The following USP48 variants were observed in gnomAD, a reference collection of about 807,000 sequenced individuals.
USP48 encodes ubiquitin specific peptidase 48.
A neutral mutation model predicts 150.7 loss-of-function variants in USP48; 43 were observed. That is an observed-to-expected ratio of 0.29 (90% CI 0.22 to 0.37). The LOEUF (loss-of-function observed/expected upper bound fraction) is 0.37. USP48 is among the 10% of genes least tolerant of loss of function. The pLI, the probability that USP48 is intolerant of heterozygous loss-of-function variation, is 1.00. For synonymous variants in USP48, 396 were observed against 425.9 expected (o/e 0.93, Z 0.86); for missense variants, 813 against 1,249.6 (o/e 0.65, Z 5.27).
At chr1:21,780,266 C>G (rs1276785051) in intron 1 of USP48, among the ~76,000 whole-genome samples, 1 of 152,178 alleles carries the variant, frequency 6.6e-6, no homozygotes, top group East Asian at 1.9e-4. Flanking sequence ...CAGGGATAAC[C>G]CTTGGAAACA....
chr1:21,699,117 C>T (rs2097646786), intron 22 of USP48, among the ~76,000 whole-genome samples: 1 of 151,582 alleles, frequency 6.6e-6, no homozygotes, highest in Non-Finnish European at 1.5e-5. Flanking sequence ...GCAACCTCCA[C>T]CTCCCAGGTT....
chr1:21,726,666 T>G (rs1287662187), intron 11 of USP48: 2 of 152,198 alleles, frequency 1.3e-5, no homozygotes, highest in Non-Finnish European at 2.9e-5. Flanking sequence ...ACAAGTCTCA[T>G]AGTTAAGGCA....
chr1:21,711,062 A>C (rs904242717), intron 15 of USP48, among the ~76,000 whole-genome samples: 2 of 152,108 alleles, frequency 1.3e-5, no homozygotes, highest in African/African-American at 4.8e-5. Flanking sequence ...CTGAGGTTAT[A>C]GATGTGAACC....
intron 23 of USP48, among the ~76,000 whole-genome samples, chr1:21,694,140 T>C (rs553733482): frequency 1.7e-4 from 26 of 152,306 alleles, no homozygotes; most frequent in African/African-American, 5.8e-4. Flanking sequence ...AACAGTATCA[T>C]GAAACCATTT....
chr1:21,744,483 C>A (rs1001005187), intron 8 of USP48, among the ~76,000 whole-genome samples: 1 of 147,428 alleles, frequency 6.8e-6, no homozygotes, highest in Admixed American at 6.8e-5. Flanking sequence ...TCAGAATTAA[C>A]ATAGTTTTTA....
chr1:21,714,341 T>A (rs2097698579), intron 15 of USP48, among the ~76,000 whole-genome samples: 2 of 152,144 alleles, frequency 1.3e-5, no homozygotes, highest in Non-Finnish European at 2.9e-5. Context: ...AGCGTCGTGA[T>A]CATAGCTCAC....
chr1:21,780,429 G>C (rs2097911492), intron 1 of USP48, among the ~76,000 whole-genome samples: 1 of 152,174 alleles, frequency 6.6e-6, no homozygotes, highest in Non-Finnish European at 1.5e-5. Context: ...CAGATGCTCA[G>C]TTTCCTTTTA....
chr1:21,764,598 T>C (rs2097857426), intron 1 of USP48, among the ~76,000 whole-genome samples: 1 of 147,992 alleles, frequency 6.8e-6, no homozygotes, highest in Non-Finnish European at 1.5e-5. Context: ...TCCCAGCTAC[T>C]CTGGAGGCTG....
At chr1:21,755,668 G>A (rs2097831007) in intron 3 of USP48, among the ~76,000 whole-genome samples, 1 of 152,120 alleles carries the variant, frequency 6.6e-6, no homozygotes, top group African/African-American at 2.4e-5. Flanking sequence ...CTTTCAGCAA[G>A]TCAATATACC....
chr1:21,711,528 A>G (rs1571810899), intron 15 of USP48, among the ~76,000 whole-genome samples: 2 of 152,204 alleles, frequency 1.3e-5, no homozygotes, highest in Non-Finnish European at 2.9e-5. Context: ...CCACTCTTCA[A>G]TGCAGGGACT....
chr1:21,712,060 A>G (rs1450992938), intron 15 of USP48, among the ~76,000 whole-genome samples: 3 of 152,256 alleles, frequency 2.0e-5, no homozygotes, highest in East Asian at 1.9e-4. Context: ...CAGAGTTGTT[A>G]TAAGATTAAA....
At chr1:21,715,363 AG>A (rs1557480939) in intron 15 of USP48, 25 bp downstream of exon 15, 1 of 1,546,250 alleles carries the variant, frequency 6.5e-7, no homozygotes, top group Non-Finnish European at 8.9e-7. Flanking sequence ...ACAATAAAAC[AG>A]AATTCATTTA....
intron 1 of USP48, among the ~76,000 whole-genome samples, chr1:21,779,204 C>T (rs529480856): frequency 1.3e-5 from 2 of 152,136 alleles, no homozygotes; most frequent in African/African-American, 4.8e-5. Context: ...CACTGCAATA[C>T]AGTCTGTGTT....
chr1:21,689,028 G>A (rs2097588486), intron 24 of USP48, among the ~76,000 whole-genome samples: 1 of 151,900 alleles, frequency 6.6e-6, no homozygotes, highest in African/African-American at 2.4e-5. Context: ...GAAAAGAGGA[G>A]ATACTTTAAT....
At chr1:21,699,206 T>G (rs1229986294) in intron 22 of USP48, among the ~76,000 whole-genome samples, 8 of 142,894 alleles carry the variant, frequency 5.6e-5, no homozygotes, top group African/African-American at 1.3e-4. Context: ...TTTTTTTTTT[T>G]TTTTTTTTTT....
chr1:21,701,382 G>GAAA, intron 22 of USP48, 116 bp downstream of exon 22: 1 of 519,710 alleles, frequency 1.9e-6, no homozygotes, highest in South Asian at 3.0e-5. Context: ...AAAAAAAAAA[G>GAAA]AAAAAAAAAG....
At chr1:21,747,367 C>T (rs2097796923) in intron 7 of USP48, among the ~76,000 whole-genome samples, 1 of 152,186 alleles carries the variant, frequency 6.6e-6, no homozygotes, top group Non-Finnish European at 1.5e-5. Flanking sequence ...CCAAACACAG[C>T]TTATTTTCCA....
intron 15 of USP48, among the ~76,000 whole-genome samples, chr1:21,708,562 A>G (rs1228516486): frequency 6.6e-6 from 1 of 151,838 alleles, no homozygotes; most frequent in Non-Finnish European, 1.5e-5. Context: ...CGAACCCCAT[A>G]ATATATTTTA....
intron 1 of USP48, among the ~76,000 whole-genome samples, chr1:21,773,757 C>A (rs914197544): frequency 1.3e-5 from 2 of 152,070 alleles, no homozygotes; most frequent in African/African-American, 4.8e-5. Context: ...CACTCAAGAT[C>A]GATGCAGAGG....
Sources: gnomAD v4.1 joint callset for allele counts (sites outside exome capture counted in the v4.1 genomes callset) on GRCh38, gnomAD v4.1.1 for gene constraint, MANE v1.5 for transcripts, NCBI Gene and HGNC (gene_info 2026-07-23, HGNC 2026-07-21) for gene names.